Variants in GRID1 observed in about 807,000 individuals in gnomAD.
GRID1 encodes glutamate receptor ionotropic, delta-1.
In GRID1, 28 loss-of-function variants were observed where a neutral mutation model predicts 98.0. That is an observed-to-expected ratio of 0.29 (90% CI 0.21 to 0.39). The LOEUF (loss-of-function observed/expected upper bound fraction) is 0.39. GRID1 is among the 10% of genes least tolerant of loss of function. The probability of loss-of-function intolerance (pLI) is 1.00; values close to 1 mark genes in which losing one functional copy is unlikely to be tolerated. For synonymous variants in GRID1, 553 were observed against 538.5 expected, an observed-to-expected ratio of 1.03 and a Z score of -0.37; for missense variants, 1,111 against 1,340.5, an observed-to-expected ratio of 0.83 and a Z score of 2.67.
intron 4 of GRID1, among the ~76,000 whole-genome samples, chr10:86,111,045 C>T (rs1844473710): frequency 6.6e-6 from 1 of 152,216 alleles, no homozygotes; most frequent in African/African-American, 2.4e-5. Flanking sequence ...TTGTGGGTTG[C>T]TTGGGCAGAT....
chr10:85,969,009 T>C (rs1212243568), intron 4 of GRID1, among the ~76,000 whole-genome samples: 1 of 152,186 alleles, frequency 6.6e-6, no homozygotes. Flanking sequence ...ATATGTACCA[T>C]ACAAACAGTA....
intron 5 of GRID1, among the ~76,000 whole-genome samples, chr10:85,891,205 G>A (rs551632566): frequency 2.0e-5 from 3 of 152,064 alleles, no homozygotes; most frequent in Admixed American, 2.0e-4. Context: ...TATCCCTGAG[G>A]AGCTGACAGA....
intron 8 of GRID1, among the ~76,000 whole-genome samples, chr10:85,813,406 C>G (rs1357568137): frequency 6.7e-6 from 1 of 149,208 alleles, no homozygotes; most frequent in African/African-American, 2.5e-5. Context: ...GATTTCTCAT[C>G]AGAGGATATG....
chr10:86,015,318 C>T (rs1842967237), intron 4 of GRID1, among the ~76,000 whole-genome samples: 2 of 152,236 alleles, frequency 1.3e-5, no homozygotes, highest in South Asian at 4.1e-4. Flanking sequence ...GGCTTTCCAG[C>T]CACCAAACTC....
At position 85,815,998 on chromosome 10, in the gene GRID1, T is replaced by C. The variant is rs566274597; in HGVS notation, c.1233+38498A>G. On this transcript the variant is annotated intron_variant, in intron 8 of 15. Coordinates refer to ENST00000327946, the MANE Select transcript of GRID1 (RefSeq NM_017551.3). ...TAGAATGGCTAAATTTAAAAAAATATATATTATGATAATAAATTGGCAGCA... is the reference window on the plus strand; with the variant it reads ...TAGAATGGCTAAATTTAAAAAAATACATATTATGATAATAAATTGGCAGCA... Among the ~76,000 whole-genome samples, 15 of 152,092 alleles carry C rather than the reference T, an allele frequency of 9.9e-5. No homozygotes were observed. In the South Asian group the frequency reaches 3.1e-3, roughly 32 times the overall value.
rs999758219 is a variant in GRID1 at position 86,206,275 on chromosome 10, C to T, written c.520+89G>A. On this transcript the variant is annotated intron_variant, in intron 3 of 15. Transcript: ENST00000327946. The surrounding 1 kb of genome is among the most constrained non-coding windows in gnomAD (Gnocchi z 4.1). ...CCACTCAGCACAGACCACCCCTGAC[C>T]GGTCCAGGGCCCCACCCACTCTCAG... The T allele has an allele frequency of 1.8e-5, 23 of 1,313,682 alleles. No individual in the cohort carries two copies. The highest frequency in any genetic ancestry group is 2.9e-5 in the African/African-American group (2 of 68,826). 81.4% of individuals were successfully genotyped at this position (1,313,682 alleles called of 1,614,324 possible).
At chr10:86,303,052 G>C (rs1847713336) in intron 2 of GRID1, among the ~76,000 whole-genome samples, 1 of 152,152 alleles carries the variant, frequency 6.6e-6, no homozygotes, top group African/African-American at 2.4e-5. Flanking sequence ...GATATTTTGG[G>C]GGCAATTAGG....
chr10:86,330,937 A>AG (rs1848131889), intron 2 of GRID1, among the ~76,000 whole-genome samples: 1 of 152,166 alleles, frequency 6.6e-6, no homozygotes, highest in Admixed American at 6.5e-5. Context: ...CCCGCAGCCA[A>AG]GGGGCAGGAG....
At chr10:85,717,670 T>C (rs1841654967) in intron 12 of GRID1, among the ~76,000 whole-genome samples, 1 of 152,180 alleles carries the variant, frequency 6.6e-6, no homozygotes, top group Non-Finnish European at 1.5e-5. Flanking sequence ...AAAGGAATCA[T>C]GCCTTCCCAA....
intron 12 of GRID1, among the ~76,000 whole-genome samples, chr10:85,652,947 G>C (rs1201444457): frequency 6.6e-6 from 1 of 152,190 alleles, no homozygotes; most frequent in Non-Finnish European, 1.5e-5. Flanking sequence ...ACATAGTTGA[G>C]ATGAGACAAA....
At chr10:86,106,447 G>A (rs1167777381) in intron 4 of GRID1, among the ~76,000 whole-genome samples, 1 of 151,448 alleles carries the variant, frequency 6.6e-6, no homozygotes, top group African/African-American at 2.4e-5. Flanking sequence ...AATACAGGGA[G>A]GTTCTGGCTT....
At position 86,138,935 on chromosome 10, in the gene GRID1, C is replaced by G. The variant is rs371302230; in HGVS notation, c.610G>C (p.Val204Leu). Residue 204 changes from valine (V) to leucine (L), a missense_variant, in exon 4 of 16, where the codon GTA becomes CTA. This residue lies in a region of GRID1 where 346 missense variants were observed against 452.3 expected (regional missense o/e 0.76). Transcript: ENST00000327946. ...LQKVDKNISH[V>L]FTSLFTTMKT... ...ATCGTGGTGAAGAGGCTGGTGAATACGTGGCTAATGTTCTTGTCCACCTTT... is the reference window on the plus strand; with the variant it reads ...ATCGTGGTGAAGAGGCTGGTGAATAGGTGGCTAATGTTCTTGTCCACCTTT... 22 of 1,613,610 alleles carry G rather than the reference C, an allele frequency of 1.4e-5. No homozygotes were observed. Among genetic ancestry groups the G allele is most frequent in the Non-Finnish European group, 1.9e-5 (22 of 1,179,612 alleles).
chr10:85,989,908 T>A (rs1387282419), intron 4 of GRID1, among the ~76,000 whole-genome samples: 1 of 152,158 alleles, frequency 6.6e-6, no homozygotes, highest in African/African-American at 2.4e-5. Context: ...AGTGTATCCC[T>A]CATAATGAGT....
intron 4 of GRID1, among the ~76,000 whole-genome samples, chr10:85,992,389 G>A (rs980310863): frequency 6.6e-6 from 1 of 152,166 alleles, no homozygotes; most frequent in Non-Finnish European, 1.5e-5. Context: ...AAAGAAAAGG[G>A]AACAGGAAAA....
intron 8 of GRID1, among the ~76,000 whole-genome samples, chr10:85,763,080 G>A (rs186809639): frequency 6.8e-4 from 104 of 152,298 alleles, no homozygotes; most frequent in African/African-American, 2.3e-3. Flanking sequence ...CAAGAGTGAC[G>A]TCCTTCTCCA....
chr10:86,262,030 C>T (rs980483593), intron 2 of GRID1, among the ~76,000 whole-genome samples: 3 of 152,218 alleles, frequency 2.0e-5, no homozygotes, highest in Admixed American at 6.5e-5. Flanking sequence ...AACTGAGGCT[C>T]GGATAGGTGA....
chr10:86,211,484 T>C (rs1589412580), intron 2 of GRID1, among the ~76,000 whole-genome samples: 2 of 152,134 alleles, frequency 1.3e-5, no homozygotes, highest in South Asian at 2.1e-4. Context: ...GAGCTCGGCA[T>C]TGGGGGTGTG....
At chr10:86,029,677 C>A (rs1032098264) in intron 4 of GRID1, among the ~76,000 whole-genome samples, 4 of 151,664 alleles carry the variant, frequency 2.6e-5, no homozygotes, top group Non-Finnish European at 4.4e-5. Flanking sequence ...TTTAGACTAA[C>A]CTTGCTTATT....
chr10:86,036,870 C>T lies in GRID1; in HGVS notation c.726+101949G>A, dbSNP rs562503748. ...CCAGTCCCCCACACTCTGCCACTTC[C>T]CATTAGTGGTTAAAACAATGTAGGC... On this transcript the variant is annotated intron_variant, in intron 4 of 15. Transcript: ENST00000327946. Among the ~76,000 whole-genome samples, 72 of 152,330 alleles carry T rather than the reference C, an allele frequency of 4.7e-4. 1 individual carries two copies. In the South Asian group the frequency reaches 0.015, roughly 31 times the overall value.
Sources: gnomAD v4.1 joint callset for allele counts (sites outside exome capture counted in the v4.1 genomes callset) on GRCh38, gnomAD v4.1.1 for gene constraint, gnomAD v4.1.1 regional missense constraint, Gnocchi (gnomAD v3.1) non-coding constraint, MANE v1.5 for transcripts, NCBI Gene and HGNC (gene_info 2026-07-23, HGNC 2026-07-21) for gene names.